Variants in ZDHHC17 observed in about 807,000 individuals in gnomAD.
ZDHHC17 encodes palmitoyltransferase ZDHHC17.
A neutral mutation model predicts 90.3 loss-of-function variants in ZDHHC17; 40 were observed. That is an observed-to-expected ratio of 0.44 (90% CI 0.34 to 0.58). ZDHHC17 has a LOEUF of 0.58. Among genes scored for constraint, ZDHHC17 ranks in the 20% least tolerant of loss-of-function variants. ZDHHC17 has a pLI of 0.01. For missense variants in ZDHHC17, 614 were observed against 780.8 expected (o/e 0.79, Z 2.55); for synonymous variants, 235 against 252.4 (o/e 0.93, Z 0.65).
At chr12:76,778,697 C>T (rs1952589726) in intron 1 of ZDHHC17, among the ~76,000 whole-genome samples, 1 of 152,216 alleles carries the variant, frequency 6.6e-6, no homozygotes, top group Non-Finnish European at 1.5e-5. Flanking sequence ...ATTTGCACTT[C>T]CCTAATGGCA....
chr12:76,788,688 A>AT (rs763269507), intron 1 of ZDHHC17, among the ~76,000 whole-genome samples: 27,728 of 98,656 alleles, frequency 0.28, 7,301 homozygotes, highest in South Asian at 0.36. Context: ...TGGAATCGCA[A>AT]TTTTTTTTTT....
At chr12:76,813,527 A>G (rs1206484779) in intron 5 of ZDHHC17, 1 of 288,466 alleles carries the variant, frequency 3.5e-6, no homozygotes, top group Non-Finnish European at 6.8e-6. Flanking sequence ...TTTTTCTTCA[A>G]TATGCTTAGA....
intron 5 of ZDHHC17, among the ~76,000 whole-genome samples, chr12:76,812,819 ATATTTAGT>A (rs1390430961): frequency 6.6e-6 from 1 of 152,052 alleles, no homozygotes; most frequent in East Asian, 1.9e-4. Flanking sequence ...ATTGTTAAAT[ATATTTAGT>A]GCTCACTACC....
intron 10 of ZDHHC17, 36 bp from the exon 11 acceptor site, chr12:76,841,942 CATTT>C: frequency 7.2e-7 from 1 of 1,382,436 alleles, no homozygotes; most frequent in Non-Finnish European, 9.4e-7. Flanking sequence ...AATAGTAATT[CATTT>C]ATCATTGCTT....
chr12:76,802,360 G>A (rs536457267), intron 2 of ZDHHC17, among the ~76,000 whole-genome samples: 6 of 152,248 alleles, frequency 3.9e-5, no homozygotes, highest in South Asian at 2.1e-4. Context: ...CCTCTCTCTC[G>A]TTCCTTTCAA....
intron 8 of ZDHHC17, among the ~76,000 whole-genome samples, chr12:76,825,417 C>T (rs1953218584): frequency 6.6e-6 from 1 of 152,116 alleles, no homozygotes; most frequent in South Asian, 2.1e-4. Context: ...AGATTTCTCA[C>T]ATAGCAGCAC....
At chr12:76,767,018 C>CA (rs375447750) in intron 1 of ZDHHC17, among the ~76,000 whole-genome samples, 8,798 of 85,596 alleles carry the variant, frequency 0.1, 738 homozygotes, top group African/African-American at 0.26. Context: ...GATTATGTCT[C>CA]AAAAAAAAAA....
chr12:76,848,588 T>C (rs1008676449), intron 15 of ZDHHC17, among the ~76,000 whole-genome samples, 198 bp downstream of exon 15: 1 of 152,222 alleles, frequency 6.6e-6, no homozygotes, highest in African/African-American at 2.4e-5. Context: ...TTAGTACTTA[T>C]CTCAACAGAA....
At position 76,822,460 on chromosome 12, in the gene ZDHHC17, C is replaced by A. The variant is rs1953175302; in HGVS notation, c.826C>A (p.His276Asn). ...KQRKNVWMIN[H>N]LQEARQAKGY... ...GAGAAAAAATGTGTGGATGATCAAC[C>A]ACTTACAAGAGGCAAGGCAAGCAAA... is the stretch of plus-strand genomic sequence containing the variant. The change falls in exon 8 of 17, where the codon CAC (histidine) becomes AAC (asparagine). Residue 276 changes from histidine to asparagine, a missense_variant. By Grantham distance (68) the His-to-Asn change is moderately conservative. Coordinates refer to ENST00000426126, the MANE Select transcript of ZDHHC17 (RefSeq NM_015336.4). The A allele has an allele frequency of 2.5e-6, 4 of 1,613,404 alleles. No individual in the cohort carries two copies. The Admixed American group carries it at 6.7e-5, about 27-fold the overall frequency.
At chr12:76,849,026 C>T (rs978831277) in intron 15 of ZDHHC17, among the ~76,000 whole-genome samples, 11 of 146,952 alleles carry the variant, frequency 7.5e-5, no homozygotes, top group African/African-American at 2.5e-4. Flanking sequence ...TGGCTCACAC[C>T]TGTAATCCCA....
chr12:76,778,242 C>T (rs1023723008), intron 1 of ZDHHC17, among the ~76,000 whole-genome samples: 1 of 152,040 alleles, frequency 6.6e-6, no homozygotes, highest in Non-Finnish European at 1.5e-5. Flanking sequence ...TGGAGTCTCG[C>T]TCCCACCCAG....
intron 1 of ZDHHC17, among the ~76,000 whole-genome samples, chr12:76,793,501 CAG>C (rs1245983207): frequency 2.0e-5 from 3 of 152,190 alleles, no homozygotes; most frequent in African/African-American, 7.2e-5. Context: ...GCCTGGGTGA[CAG>C]AGTGAGGCTC....
chr12:76,799,116 A>G (rs1048457618), intron 2 of ZDHHC17, among the ~76,000 whole-genome samples: 4 of 152,152 alleles, frequency 2.6e-5, no homozygotes, highest in African/African-American at 7.2e-5. Context: ...CAGCCTGGGC[A>G]AAGGAGTGAG....
Position 76,809,871 on chromosome 12 carries a change from C to A in ZDHHC17, c.543+14C>A, listed in dbSNP as rs745801281. On this transcript the variant is annotated intron_variant, in intron 5 of 16. Coordinates refer to ENST00000426126, the MANE Select transcript of ZDHHC17 (RefSeq NM_015336.4). ...GCAAAAGGACAGGTAAAAAAAATCT[C>A]AGTGGTATGGATTTTAATCAGATGT... 5 of 1,605,494 alleles carry A rather than the reference C, an allele frequency of 3.1e-6. No homozygotes were observed. In the East Asian group the frequency reaches 1.1e-4, roughly 36 times the overall value.
intron 16 of ZDHHC17, 125 bp from the exon 17 acceptor site, chr12:76,850,719 CCTT>C (rs1953556893): frequency 3.6e-6 from 4 of 1,100,574 alleles, no homozygotes; most frequent in African/African-American, 1.6e-5. Flanking sequence ...TGAATTGGTT[CCTT>C]CTTGCAAGTA....
chr12:76,766,786 GAGGTGAGAGAATC>G (rs1952436296), intron 1 of ZDHHC17, among the ~76,000 whole-genome samples: 1 of 147,922 alleles, frequency 6.8e-6, no homozygotes, highest in Admixed American at 6.7e-5. Flanking sequence ...TTGGGAAGCC[GAGGTGAGAGAATC>G]ACTTGAGCCC....
At chr12:76,819,494 G>A (rs1403525076) in intron 7 of ZDHHC17, among the ~76,000 whole-genome samples, 1 of 152,028 alleles carries the variant, frequency 6.6e-6, no homozygotes, top group Non-Finnish European at 1.5e-5. Context: ...ATTTTTCAAA[G>A]AATATGAAAA....
chr12:76,816,911 T>G (rs765631023), intron 7 of ZDHHC17, among the ~76,000 whole-genome samples: 1 of 152,020 alleles, frequency 6.6e-6, no homozygotes, highest in Non-Finnish European at 1.5e-5. Flanking sequence ...ATCATGTATA[T>G]TTTTCTTTCT....
intron 1 of ZDHHC17, chr12:76,769,239 T>A: frequency 5.4e-6 from 1 of 184,364 alleles, no homozygotes; most frequent in South Asian, 7.8e-5. Flanking sequence ...TTTGTATTTC[T>A]AGTAGAGATG....
Sources: allele counts gnomAD v4.1 joint callset (sites outside exome capture counted in the v4.1 genomes callset), GRCh38; gene constraint gnomAD v4.1.1; transcripts MANE v1.5; gene names NCBI Gene and HGNC (gene_info 2026-07-23, HGNC 2026-07-21).